The following ACMSD variants were observed in gnomAD, a reference collection of about 807,000 sequenced individuals.
ACMSD encodes the protein aminocarboxymuconate semialdehyde decarboxylase.
ACMSD carries 37 observed loss-of-function variants against 45.9 expected under a neutral mutation model. That is an observed-to-expected ratio of 0.81 (90% confidence interval 0.62 to 1.06). The LOEUF (loss-of-function observed/expected upper bound fraction) is 1.06. ACMSD is among the 50% of genes least tolerant of loss of function. ACMSD has a pLI of 0.00. For missense variants in ACMSD, 434 were observed against 420.9 expected (o/e 1.03, Z -0.27); for synonymous variants, 138 against 148.8 (o/e 0.93, Z 0.53).
chr2:134,860,318 A>C (rs1156697225), intron 3 of ACMSD, among the ~76,000 whole-genome samples: 1 of 152,190 alleles, frequency 6.6e-6, no homozygotes, highest in Non-Finnish European at 1.5e-5. Context: ...TGATGGCCAC[A>C]TTATGCTTCA....
chr2:134,864,824 A>C (rs1688021402), intron 5 of ACMSD, among the ~76,000 whole-genome samples: 2 of 152,150 alleles, frequency 1.3e-5, no homozygotes, highest in African/African-American at 4.8e-5. Context: ...GAAATATCCA[A>C]CTTCAAGTGT....
At chr2:134,880,922 CA>C (rs1689002661) in intron 8 of ACMSD, among the ~76,000 whole-genome samples, 1 of 152,176 alleles carries the variant, frequency 6.6e-6, no homozygotes, top group African/African-American at 2.4e-5. Context: ...AATTTCACCT[CA>C]ATTTTTTTTA....
chr2:134,845,300 A>ACATCAGTAG, intron 2 of ACMSD, 23 bp downstream of exon 2: 1 of 1,614,040 alleles, frequency 6.2e-7, no homozygotes, highest in Non-Finnish European at 8.5e-7. Context: ...CAAAGTATGA[A>ACATCAGTAG]CATCAGTAGC....
rs114555298 is a variant in ACMSD, at chr2:134,888,734, G to C, written c.850-9607G>C. Among the ~76,000 whole-genome samples the C allele has an allele frequency of 4.8e-3, 731 of 151,828 alleles. 5 individuals are homozygous for C. The highest frequency in any genetic ancestry group is 0.017 in the African/African-American group (699 of 41,140). ...TACAAAAGGCTGAATGAATGAAGCTGGATCCCAGAGAGTGTATACTGTATG... is the reference window on the plus strand; with the variant it reads ...TACAAAAGGCTGAATGAATGAAGCTCGATCCCAGAGAGTGTATACTGTATG... On this transcript the variant is annotated intron_variant, in intron 8 of 9. Transcript: ENST00000356140.
intron 8 of ACMSD, among the ~76,000 whole-genome samples, chr2:134,896,246 T>C (rs1251027854): frequency 6.6e-6 from 1 of 152,198 alleles, no homozygotes; most frequent in African/African-American, 2.4e-5. Context: ...GGTTAGGCAA[T>C]AGTTTCTTTG....
At chr2:134,878,107 CTG>C (rs1037154207) in intron 8 of ACMSD, among the ~76,000 whole-genome samples, 26 of 152,150 alleles carry the variant, frequency 1.7e-4, no homozygotes, top group African/African-American at 6.3e-4. Context: ...ATCTGAAGAA[CTG>C]TGAACTGAAC....
At chr2:134,858,139 A>G (rs1687667079) in intron 2 of ACMSD, among the ~76,000 whole-genome samples, 1 of 152,150 alleles carries the variant, frequency 6.6e-6, no homozygotes. Flanking sequence ...CTAAGTGTCC[A>G]TCAGTGGATG....
intron 6 of ACMSD, among the ~76,000 whole-genome samples, chr2:134,868,588 G>A (rs1462443496): frequency 6.6e-6 from 1 of 151,870 alleles, no homozygotes; most frequent in Non-Finnish European, 1.5e-5. Context: ...AAATAGCTGG[G>A]ATTACAGGGG....
Position 134,863,483 on chromosome 2 carries a change from G to A in ACMSD, c.338G>A (p.Gly113Asp), listed in dbSNP as rs760177854. 6.2e-7 allele frequency: 1 copy of A among 1,614,254 alleles called. No individual in the cohort carries two copies. The highest frequency in any genetic ancestry group is 1.3e-5 in the African/African-American group (1 of 75,074). Reference protein sequence around the residue: ...TVVSYPRRFVGLGTLPMQAPE... With the variant: ...TVVSYPRRFVDLGTLPMQAPE... ...GTGAGCTACCCCAGGAGGTTCGTGG[G>A]TCTGGGGACGTTGCCCATGCAGGCC... The change falls in exon 5 of 10, where the codon GGT (glycine) becomes GAT (aspartate). Residue 113 changes from glycine to aspartate, a missense_variant. Physicochemically the swap from Gly to Asp is moderately conservative, Grantham distance 94. Transcript: ENST00000356140.
chr2:134,876,677 C>A (rs981764565), intron 8 of ACMSD, among the ~76,000 whole-genome samples: 9 of 152,148 alleles, frequency 5.9e-5, no homozygotes, highest in African/African-American at 2.2e-4. Flanking sequence ...GTAGAAGGAA[C>A]ACACTCCAAA....
At chr2:134,887,321 A>G (rs746252571) in intron 8 of ACMSD, among the ~76,000 whole-genome samples, 5 of 152,250 alleles carry the variant, frequency 3.3e-5, no homozygotes, top group Non-Finnish European at 7.3e-5. Context: ...GAACAACAGC[A>G]ATCAAGATAG....
chr2:134,847,397 C>CAGATAGATAGATAGATAGAT (rs1213803670), intron 2 of ACMSD, among the ~76,000 whole-genome samples: 150 of 81,462 alleles, frequency 1.8e-3, no homozygotes, highest in Admixed American at 4.0e-3. Flanking sequence ...TTTGGGGATA[C>CAGATAGATAGATAGATAGAT]AGATAGATAG....
At chr2:134,849,268 C>T (rs1687219086) in intron 2 of ACMSD, among the ~76,000 whole-genome samples, 2 of 95,382 alleles carry the variant, frequency 2.1e-5, no homozygotes, top group Non-Finnish European at 3.8e-5. Flanking sequence ...GTCACATCTA[C>T]TGACTTATTT....
At chr2:134,841,066 G>A (rs1359291439) in intron 1 of ACMSD, among the ~76,000 whole-genome samples, 10 of 152,198 alleles carry the variant, frequency 6.6e-5, no homozygotes, top group Admixed American at 6.5e-4. Flanking sequence ...CTCATATGCT[G>A]CAAGCAGACA....
At chr2:134,876,093 T>C (rs745376090) in intron 8 of ACMSD, among the ~76,000 whole-genome samples, 1 of 152,128 alleles carries the variant, frequency 6.6e-6, no homozygotes, top group Non-Finnish European at 1.5e-5. Flanking sequence ...ATGAAAAATG[T>C]ATAGGGCACT....
rs116608487 is a variant in ACMSD, at chr2:134,870,346, T to A, written c.581-619T>A. On this transcript the variant is annotated intron_variant, in intron 6 of 9. Transcript: ENST00000356140. ...AAAGATTTTGCAGGAATGACCATAA[T>A]GATAGTTAATATTTAGTGAGCCCTT... 1.3e-3 allele frequency among the ~76,000 whole-genome samples: 192 copies of A among 152,318 alleles called. 1 individual carries two copies. The highest frequency in any genetic ancestry group is 4.4e-3 in the African/African-American group (185 of 41,576).
intron 8 of ACMSD, among the ~76,000 whole-genome samples, chr2:134,896,992 T>C (rs1393661538): frequency 1.3e-5 from 2 of 152,084 alleles, no homozygotes; most frequent in Non-Finnish European, 2.9e-5. Context: ...AGGGTTTATT[T>C]TGGAGGTGAC....
intron 8 of ACMSD, among the ~76,000 whole-genome samples, chr2:134,885,339 A>G (rs1689316672): frequency 9.4e-6 from 1 of 106,082 alleles, no homozygotes; most frequent in Admixed American, 1.4e-4. Context: ...GTAAATATAT[A>G]TTTATATATA....
rs773402188 is a variant in ACMSD, at chr2:134,870,996, C to G, written c.612C>G (p.Cys204Trp). ...GMPAETTIAI[C>W]SMIMGGVFEK... ...CAGCAGAGACCACCATAGCCATTTGCTCCATGATCATGGGTGGAGTATTTG... is the reference window on the plus strand; with the variant it reads ...CAGCAGAGACCACCATAGCCATTTGGTCCATGATCATGGGTGGAGTATTTG... Residue 204 changes from cysteine (C) to tryptophan (W), a missense_variant, in exon 7 of 10, where the codon TGC becomes TGG. Coordinates refer to ENST00000356140, the MANE Select transcript of ACMSD (RefSeq NM_138326.3). 6.2e-7 allele frequency: 1 copy of G among 1,614,148 alleles called. No individual in the cohort carries two copies. Among genetic ancestry groups the G allele is most frequent in the South Asian group, 1.1e-5 (1 of 91,070 alleles).
Sources: gnomAD v4.1 joint callset for allele counts (sites outside exome capture counted in the v4.1 genomes callset) on GRCh38, gnomAD v4.1.1 for gene constraint, MANE v1.5 for transcripts, NCBI Gene and HGNC (gene_info 2026-07-23, HGNC 2026-07-21) for gene names.